Variants in CACNG8 observed in about 807,000 individuals in gnomAD.
The protein encoded by CACNG8 is calcium voltage-gated channel auxiliary subunit gamma 8, also known as voltage-dependent calcium channel gamma-8 subunit.
A neutral mutation model predicts 26.9 loss-of-function variants in CACNG8; 5 were observed. That is an observed-to-expected ratio of 0.19 (90% CI 0.10 to 0.39). CACNG8 has a LOEUF of 0.39. CACNG8 is among the 10% of genes least tolerant of loss of function. CACNG8 has a pLI of 1.00. For synonymous variants in CACNG8, 321 were observed against 296.7 expected, an observed-to-expected ratio of 1.08 and a Z score of -0.84; for missense variants, 473 against 609.4, an observed-to-expected ratio of 0.78 and a Z score of 2.36.
chr19:53,977,178 T>G (rs765856574), intron 1 of CACNG8, among the ~76,000 whole-genome samples: 4 of 151,822 alleles, frequency 2.6e-5, no homozygotes, highest in Non-Finnish European at 5.9e-5. Context: ...GAGGAATGAG[T>G]GTGCATGTGT....
rs1203078910 is a variant in CACNG8 at position 53,984,394 on chromosome 19, C to A, written c.*1545C>A. 3 of 152,254 alleles carry A rather than the reference C, an allele frequency of 2.0e-5. No individual in the cohort carries two copies. Among genetic ancestry groups the A allele is most frequent in the Non-Finnish European group, 2.9e-5 (2 of 68,062 alleles). The allele number at this position is 152,254 out of a possible 1,614,324, so 9.4% of individuals were successfully genotyped here. A position where few individuals can be genotyped will look rare whatever the true frequency, so the allele number is the denominator to read the frequency against. On this transcript the variant is annotated 3_prime_UTR_variant, in exon 4 of 4. Transcript: ENST00000270458. ...CGTGGCACACGGTGGACAGAGTGAC[C>A]AACTGCCAGGAGTGAGCAGCACTTG...
At chr19:53,971,746 T>A (rs1178020063) in intron 1 of CACNG8, among the ~76,000 whole-genome samples, 1 of 152,192 alleles carries the variant, frequency 6.6e-6, no homozygotes, top group African/African-American at 2.4e-5. Context: ...AGGAATCTGA[T>A]GGCCAGAAAG....
At position 53,979,935 on chromosome 19, in the gene CACNG8, G is replaced by C. The variant is rs1201820115; in HGVS notation, c.436G>C (p.Val146Leu). 4 of 1,613,220 alleles carry C rather than the reference G, an allele frequency of 2.5e-6. No individual in the cohort carries two copies. Among genetic ancestry groups the C allele is most frequent in the Non-Finnish European group, 3.4e-6 (4 of 1,179,608 alleles). Residue 146 changes from valine to leucine, a missense_variant, in exon 3 of 4, where the codon GTG (valine) becomes CTG (leucine). Physicochemically the swap from Val to Leu is conservative, Grantham distance 32. Coordinates refer to ENST00000270458, the MANE Select transcript of CACNG8 (RefSeq NM_031895.6). ...CCTGCTGCTGCTCGGGGGTGTGTGC[G>C]TGGCGGCCTCCCGCGTCTACAAGTC...
At chr19:53,975,977 C>T (rs2069328393) in intron 1 of CACNG8, among the ~76,000 whole-genome samples, 1 of 152,152 alleles carries the variant, frequency 6.6e-6, no homozygotes, top group Non-Finnish European at 1.5e-5. Flanking sequence ...TGAGGTAGGT[C>T]CTGTTCTCTG....
Position 53,963,043 on chromosome 19 carries a change from C to A in CACNG8, c.-100C>A, listed in dbSNP as rs1462505363. On this transcript the variant is annotated 5_prime_UTR_variant, in exon 1 of 4. Coordinates refer to ENST00000270458, the MANE Select transcript of CACNG8 (RefSeq NM_031895.6). ...CCAGCCCCGCCGGCCCCGGGCCCCC[C>A]GCTTCTGCCTGCGCTGTGAACCCCC... 1.1e-5 allele frequency: 6 copies of A among 540,490 alleles called. No individual in the cohort carries two copies. The highest frequency in any genetic ancestry group is 2.0e-5 in the African/African-American group (1 of 50,198). 33.5% of individuals were successfully genotyped at this position (540,490 alleles called of 1,614,324 possible).
At chr19:53,975,580 A>T (rs1220710543) in intron 1 of CACNG8, among the ~76,000 whole-genome samples, 1 of 152,042 alleles carries the variant, frequency 6.6e-6, no homozygotes, top group Non-Finnish European at 1.5e-5. Flanking sequence ...GGGTTTTACC[A>T]TGTTGGCCAG....
At chr19:53,965,677 C>T (rs1478061135) in intron 1 of CACNG8, among the ~76,000 whole-genome samples, 2 of 151,562 alleles carry the variant, frequency 1.3e-5, no homozygotes, top group African/African-American at 4.9e-5. Context: ...AACCTCCTGT[C>T]GTTATATATC....
intron 1 of CACNG8, among the ~76,000 whole-genome samples, chr19:53,965,509 T>C (rs2069267407): frequency 6.6e-6 from 1 of 151,750 alleles, no homozygotes; most frequent in South Asian, 2.1e-4. Context: ...GTGTGAGGGC[T>C]CCCATCATGG....
intron 3 of CACNG8, among the ~76,000 whole-genome samples, chr19:53,981,397 C>T (rs1383419006): frequency 6.6e-6 from 1 of 150,932 alleles, no homozygotes; most frequent in African/African-American, 2.4e-5. Flanking sequence ...GGGGTGGGGC[C>T]TGGACCGCTT....
rs2069382284 is a variant in CACNG8, at chr19:53,982,859, G to T, written c.*10G>T. On this transcript the variant is annotated 3_prime_UTR_variant, in exon 4 of 4. Coordinates refer to ENST00000270458, the MANE Select transcript of CACNG8 (RefSeq NM_031895.6). This position sits in a 1 kb window ranked among gnomAD's most constrained non-coding sequence, Gnocchi z 8.4. ...AACCACGCCTGTGTAGGGGCGCGGC[G>T]GGGGAGCCGAGGGGCGTGTCCGGGG... is the stretch of plus-strand genomic sequence containing the variant. 1.5e-6 allele frequency: 2 copies of T among 1,301,324 alleles called. No homozygotes were observed. The highest frequency in any genetic ancestry group is 1.6e-5 in the African/African-American group (1 of 63,780). 80.6% of individuals were successfully genotyped at this position (1,301,324 alleles called of 1,614,324 possible). A position where few individuals can be genotyped will look rare whatever the true frequency, so the allele number is the denominator to read the frequency against.
In CACNG8 at chr19:53,982,473, C is replaced by G; in HGVS notation, c.902C>G (p.Ser301Cys). 6.6e-7 allele frequency: 1 copy of G among 1,513,930 alleles called. No homozygotes were observed. Among genetic ancestry groups the G allele is most frequent in the South Asian group, 1.2e-5 (1 of 81,608 alleles). The allele number at this position is 1,513,930 out of a possible 1,614,324, so 93.8% of individuals were successfully genotyped here. A position where few individuals can be genotyped will look rare whatever the true frequency, so the allele number is the denominator to read the frequency against. Residue 301 changes from serine (S) to cysteine (C), a missense_variant, in exon 4 of 4, where the codon TCC becomes TGC. Ser to Cys is a moderately radical substitution (Grantham distance 112). Around this residue, in one of 6 missense-constraint regions of CACNG8, gnomAD observed 212 missense variants for 214.4 expected, o/e 0.99. Coordinates refer to ENST00000270458, the MANE Select transcript of CACNG8 (RefSeq NM_031895.6). The surrounding 1 kb of genome is among the most constrained non-coding windows in gnomAD (Gnocchi z 8.4). ...GGCCCCGGGGGCCCGGGCTTTGCCT[C>G]CACGGACATCTCCATGTACACGCTC...
In CACNG8 at chr19:53,975,763, G is replaced by A. The variant is rs115011171; in HGVS notation, c.284-2383G>A. Among the ~76,000 whole-genome samples the A allele has an allele frequency of 7.2e-3, 1,096 of 152,234 alleles. 6 individuals carry two copies. Among genetic ancestry groups the A allele is most frequent in the African/African-American group, 0.025 (1,038 of 41,548 alleles). ...TTCTAGATGCTGGTAATACAGTGTC[G>A]AACAGCCCAGATGCTCACATTCATG... On this transcript the variant is annotated intron_variant, in intron 1 of 3. Transcript: ENST00000270458.
intron 1 of CACNG8, among the ~76,000 whole-genome samples, chr19:53,977,943 C>T (rs886306454): frequency 1.3e-5 from 2 of 152,120 alleles, no homozygotes; most frequent in African/African-American, 2.4e-5. Flanking sequence ...TTCTTCTTTT[C>T]TTTAACAGGC....
intron 2 of CACNG8, among the ~76,000 whole-genome samples, chr19:53,978,955 G>GGA (rs938350492): frequency 2.9e-5 from 4 of 139,170 alleles, no homozygotes; most frequent in Non-Finnish European, 6.1e-5. Flanking sequence ...GAAAAGGAGG[G>GGA]GAGAGAGAGA....
intron 1 of CACNG8, among the ~76,000 whole-genome samples, chr19:53,967,104 T>A (rs182589468): frequency 6.6e-6 from 1 of 152,268 alleles, no homozygotes; most frequent in East Asian, 1.9e-4. Flanking sequence ...TGATCTCTCC[T>A]ACTAGGATGC....
At chr19:53,980,215 G>A (rs940098456) in intron 3 of CACNG8, among the ~76,000 whole-genome samples, 1 of 152,178 alleles carries the variant, frequency 6.6e-6, no homozygotes, top group Non-Finnish European at 1.5e-5. Flanking sequence ...GGTAAGGTGG[G>A]TGTAGTTCTC....
rs2069392897 is a variant in CACNG8 at position 53,984,078 on chromosome 19, A to C, written c.*1229A>C. The stretch of plus-strand genomic sequence containing the variant: ...ACATGGGCACGGGCCCTTGGAGCTC[A>C]CACTCTTGTGGGAGGAAGCACGTAA... On this transcript the variant is annotated 3_prime_UTR_variant, in exon 4 of 4. Transcript: ENST00000270458. 2.0e-5 allele frequency: 3 copies of C among 152,270 alleles called. No homozygotes were observed. Among genetic ancestry groups the C allele is most frequent in the Non-Finnish European group, 1.5e-5 (1 of 68,072 alleles). 9.4% of individuals were successfully genotyped at this position (152,270 alleles called of 1,614,324 possible).
At chr19:53,974,642 T>A (rs28800848) in intron 1 of CACNG8, among the ~76,000 whole-genome samples, 2 of 131,434 alleles carry the variant, frequency 1.5e-5, no homozygotes, top group Admixed American at 7.5e-5. Flanking sequence ...TATTTATTTA[T>A]TTAATTTATT....
chr19:53,978,416 T>C (rs1475473184), intron 2 of CACNG8, among the ~76,000 whole-genome samples, 187 bp downstream of exon 2: 2 of 152,058 alleles, frequency 1.3e-5, no homozygotes, highest in East Asian at 3.9e-4. Flanking sequence ...ACTGATCTCG[T>C]TCCCGCCCCC....
Sources: gnomAD v4.1 joint callset for allele counts (sites outside exome capture counted in the v4.1 genomes callset) on GRCh38, gnomAD v4.1.1 for gene constraint, gnomAD v4.1.1 regional missense constraint, Gnocchi (gnomAD v3.1) non-coding constraint, MANE v1.5 for transcripts, NCBI Gene and HGNC (gene_info 2026-07-23, HGNC 2026-07-21) for gene names.